ARHGAP26: variants seen among roughly 807,000 people sequenced by gnomAD.
The protein encoded by ARHGAP26 is rho GTPase-activating protein 26.
Under a neutral mutation model 104.8 loss-of-function variants are expected in ARHGAP26, and 38 were observed. That is an observed-to-expected ratio of 0.36 (90% CI 0.28 to 0.48). The LOEUF is 0.48. Ranked by LOEUF, ARHGAP26 falls within the 20% of genes least tolerant of loss-of-function variation. ARHGAP26 has a pLI of 0.99. For missense variants in ARHGAP26, 704 were observed against 947.9 expected (o/e 0.74, Z 3.38); for synonymous variants, 341 against 340.0 (o/e 1.00, Z -0.03).
In ARHGAP26 at chr5:143,111,880, A is replaced by C. The variant is rs145223638; in HGVS notation, c.1539-9108A>C. Among the ~76,000 whole-genome samples, 307 of 152,262 alleles carry C rather than the reference A, an allele frequency of 2.0e-3. 2 individuals carry two copies. Among genetic ancestry groups the C allele is most frequent in the African/African-American group, 7.0e-3 (291 of 41,550 alleles). ...CTGCTGTGGCCAACCACGTCCCCCA[A>C]CTGCCCCCAGCTTGGCAAAGGCTCT... On this transcript the variant is annotated intron_variant, in intron 17 of 22. Transcript: ENST00000645722.
At chr5:143,190,369 G>A (rs796462864) in intron 20 of ARHGAP26, among the ~76,000 whole-genome samples, 8 of 152,252 alleles carry the variant, frequency 5.3e-5, no homozygotes, top group African/African-American at 1.7e-4. Flanking sequence ...GTGCTGCACG[G>A]GGCAGGGTGC....
At chr5:142,934,898 A>G (rs2152541586) in intron 11 of ARHGAP26, among the ~76,000 whole-genome samples, 1 of 152,302 alleles carries the variant, frequency 6.6e-6, no homozygotes. Flanking sequence ...TGATTTTGCA[A>G]CATTTCATTT....
intron 11 of ARHGAP26, among the ~76,000 whole-genome samples, chr5:142,963,219 T>TGTGTGTGTGTGTGTGTGTGTGC (rs753184861): frequency 7.0e-5 from 9 of 127,972 alleles, no homozygotes; most frequent in Middle Eastern, 4.0e-3. Context: ...TGTGTGTGTG[T>TGTGTGTGTGTGTGTGTGTGTGC]GCGCGTGTGT....
chr5:142,919,356 G>C, intron 10 of ARHGAP26: 3 of 398,680 alleles, frequency 7.5e-6, no homozygotes, highest in Non-Finnish European at 1.3e-5. Flanking sequence ...GCATGGAGCA[G>C]ATTCTTCCTC....
intron 9 of ARHGAP26, among the ~76,000 whole-genome samples, chr5:142,912,418 G>A (rs1761950767): frequency 6.6e-6 from 1 of 152,192 alleles, no homozygotes; most frequent in South Asian, 2.1e-4. Flanking sequence ...CTAGGAGGAG[G>A]GATGGATTGC....
intron 12 of ARHGAP26, among the ~76,000 whole-genome samples, chr5:143,030,620 G>A (rs1781707630): frequency 6.6e-6 from 1 of 152,210 alleles, no homozygotes; most frequent in South Asian, 2.1e-4. Context: ...TGAGAAAGTG[G>A]AGGACCAAAA....
intron 20 of ARHGAP26, among the ~76,000 whole-genome samples, chr5:143,181,688 T>A (rs1307645857): frequency 6.6e-6 from 1 of 152,248 alleles, no homozygotes; most frequent in African/African-American, 2.4e-5. Context: ...CGGAATAGAT[T>A]TCTGGACAAT....
At chr5:143,056,562 A>G (rs1785848294) in intron 16 of ARHGAP26, among the ~76,000 whole-genome samples, 1 of 152,080 alleles carries the variant, frequency 6.6e-6, no homozygotes, top group Non-Finnish European at 1.5e-5. Context: ...TCTTCCATTT[A>G]CAGCTTCTGA....
At chr5:143,092,960 T>C (rs571182800) in intron 17 of ARHGAP26, among the ~76,000 whole-genome samples, 2 of 152,352 alleles carry the variant, frequency 1.3e-5, no homozygotes, top group East Asian at 3.9e-4. Context: ...AGGAACCATC[T>C]ATCGTCCTGT....
At chr5:142,780,436 T>A (rs377198088) in intron 1 of ARHGAP26, among the ~76,000 whole-genome samples, 4 of 152,274 alleles carry the variant, frequency 2.6e-5, no homozygotes, top group African/African-American at 9.6e-5. Context: ...TGAAAAGTTC[T>A]AAGTGAACTG....
At chr5:142,789,577 C>G (rs1298039294) in intron 1 of ARHGAP26, among the ~76,000 whole-genome samples, 1 of 152,158 alleles carries the variant, frequency 6.6e-6, no homozygotes, top group African/African-American at 2.4e-5. Context: ...TTCTTTGAGT[C>G]TAATGTAAGT....
intron 7 of ARHGAP26, among the ~76,000 whole-genome samples, chr5:142,902,259 T>C (rs1355059999): frequency 4.6e-5 from 7 of 152,176 alleles, no homozygotes; most frequent in Non-Finnish European, 8.8e-5. Context: ...CCTATTTATG[T>C]TCTCGGAAGT....
At chr5:142,993,158 G>GTTT (rs746933068) in intron 11 of ARHGAP26, among the ~76,000 whole-genome samples, 42 of 102,630 alleles carry the variant, frequency 4.1e-4, no homozygotes, top group Non-Finnish European at 5.5e-4. Context: ...TTTTTGTGTG[G>GTTT]TTTTTTTTTT....
At chr5:143,146,992 G>A (rs1799239362) in intron 19 of ARHGAP26, among the ~76,000 whole-genome samples, 1 of 152,156 alleles carries the variant, frequency 6.6e-6, no homozygotes, top group Non-Finnish European at 1.5e-5. Context: ...TATATTAAAG[G>A]GGAGATATAT....
At chr5:142,984,631 C>T (rs1056152420) in intron 11 of ARHGAP26, among the ~76,000 whole-genome samples, 15 of 151,976 alleles carry the variant, frequency 9.9e-5, no homozygotes, top group Admixed American at 2.0e-4. Context: ...CAGTCACACA[C>T]CATATAAAGA....
At chr5:143,020,830 C>T (rs1056771957) in intron 12 of ARHGAP26, among the ~76,000 whole-genome samples, 24 of 151,898 alleles carry the variant, frequency 1.6e-4, no homozygotes, top group African/African-American at 4.4e-4. Flanking sequence ...TTAGTAGAGA[C>T]AGGGTTTCAC....
rs758510000 is a variant in ARHGAP26, at chr5:143,014,127, T to A, written c.1144+11T>A. The stretch of plus-strand genomic sequence containing the variant: ...GCCAGAGTGAAGGGAGTAAGTACGA[T>A]GCTTGGGTAACCTTCTACAGCCAGG... On this transcript the variant is annotated intron_variant, in intron 12 of 22. Transcript: ENST00000645722. 1 of 1,614,128 alleles carries A rather than the reference T, an allele frequency of 6.2e-7. No homozygotes were observed. The highest frequency in any genetic ancestry group is 1.1e-5 in the South Asian group (1 of 91,082).
chr5:142,966,178 A>G lies in ARHGAP26; in HGVS notation c.1107+34053A>G, dbSNP rs574903749. 9.8e-5 allele frequency among the ~76,000 whole-genome samples: 15 copies of G among 152,332 alleles called. No individual in the cohort carries two copies. The South Asian group carries it at 2.9e-3, about 29-fold the overall frequency. ...TAAGGTCTCAGCTGAGGAGTCACACATAGGAAAACTCTCCTAATCGCATTT... is the reference window on the plus strand; with the variant it reads ...TAAGGTCTCAGCTGAGGAGTCACACGTAGGAAAACTCTCCTAATCGCATTT... On this transcript the variant is annotated intron_variant, in intron 11 of 22. Transcript: ENST00000645722.
chr5:142,894,212 TC>T (rs1330324361), intron 5 of ARHGAP26, 25 bp from the exon 6 acceptor site: 1 of 1,604,034 alleles, frequency 6.2e-7, no homozygotes, highest in Admixed American at 1.7e-5. Flanking sequence ...ACTTGATTTT[TC>T]TCTTAAATTC....
Sources: gnomAD v4.1 joint callset for allele counts (sites outside exome capture counted in the v4.1 genomes callset) on GRCh38, gnomAD v4.1.1 for gene constraint, MANE v1.5 for transcripts, NCBI Gene and HGNC (gene_info 2026-07-23, HGNC 2026-07-21) for gene names.